Variants in UNC13C observed in about 807,000 individuals in gnomAD.
UNC13C encodes unc-13 homolog C, also known as protein unc-13 homolog C.
A neutral mutation model predicts 245.4 loss-of-function variants in UNC13C; 174 were observed. The ratio of observed to expected loss-of-function variants is 0.71; its 90% CI spans 0.63 to 0.80. UNC13C has a LOEUF of 0.80. UNC13C is among the 30% of genes least tolerant of loss of function. The pLI is 0.00. For missense variants in UNC13C, 2,829 were observed against 2,602.9 expected, an observed-to-expected ratio of 1.09 and a Z score of -1.89; for synonymous variants, 992 against 895.1, an observed-to-expected ratio of 1.11 and a Z score of -1.93.
chr15:54,073,957 C>T (rs924546826), intron 2 of UNC13C, among the ~76,000 whole-genome samples: 1 of 151,944 alleles, frequency 6.6e-6, no homozygotes, highest in Non-Finnish European at 1.5e-5. Context: ...TTTGCCCATG[C>T]CTATGTCCAG....
At chr15:54,476,449 G>A (rs112946602) in intron 19 of UNC13C, among the ~76,000 whole-genome samples, 21,208 of 148,328 alleles carry the variant, frequency 0.14, 1,514 homozygotes, top group Non-Finnish European at 0.17. Flanking sequence ...TAGGTCTAAC[G>A]TTTAAGTCTT....
chr15:54,203,777 C>T (rs2034609958), intron 4 of UNC13C, among the ~76,000 whole-genome samples: 2 of 106,412 alleles, frequency 1.9e-5, no homozygotes, highest in Non-Finnish European at 4.5e-5. Flanking sequence ...TATATATACA[C>T]ACACATATAG....
chr15:54,146,273 A>G (rs11071049), intron 4 of UNC13C, among the ~76,000 whole-genome samples: 55,869 of 152,072 alleles, frequency 0.37, 10,344 homozygotes, highest in Admixed American at 0.39. Context: ...TTGCTTTTCT[A>G]TTACAATGCT....
At chr15:53,839,838 A>G in the UNC13C span, among the ~76,000 whole-genome samples, 4 of 152,030 alleles carry the variant, frequency 2.6e-5, no homozygotes, top group Non-Finnish European at 5.9e-5. Context: ...TTAAATTTTG[A>G]TACGGATGTG....
intron 31 of UNC13C, 135 bp from the exon 32 acceptor site, chr15:54,623,660 T>C: frequency 2.7e-6 from 2 of 730,280 alleles, no homozygotes; most frequent in South Asian, 4.4e-5. Context: ...TGTATTTTAT[T>C]GTCTTGGAGT....
At chr15:54,148,904 T>C (rs943967401) in intron 4 of UNC13C, among the ~76,000 whole-genome samples, 2 of 152,174 alleles carry the variant, frequency 1.3e-5, no homozygotes, top group Admixed American at 6.5e-5. Context: ...AGTGCTTTAA[T>C]CATGGAGGAA....
the UNC13C span, among the ~76,000 whole-genome samples, chr15:53,869,558 T>C: frequency 1.3e-5 from 2 of 152,184 alleles, no homozygotes; most frequent in Admixed American, 6.5e-5. Context: ...TAATTAGTAA[T>C]AAGTAATAGT....
rs2039009638 is a variant in UNC13C, at chr15:54,352,608, C to T, written c.4713+14119C>T. Among the ~76,000 whole-genome samples, 3 of 151,870 alleles carry T rather than the reference C, an allele frequency of 2.0e-5. No individual in the cohort carries two copies. In the South Asian group the frequency reaches 6.2e-4, roughly 31 times the overall value. On this transcript the variant is annotated intron_variant, in intron 17 of 32. Coordinates refer to ENST00000260323, the MANE Select transcript of UNC13C (RefSeq NM_001080534.3). ...AACAAAAATACAGCAATTAATTATG[C>T]TAAATTCTAGAATATATATGTATTT...
At chr15:54,405,690 A>G (rs1238372093) in intron 18 of UNC13C, among the ~76,000 whole-genome samples, 1 of 152,140 alleles carries the variant, frequency 6.6e-6, no homozygotes, top group Non-Finnish European at 1.5e-5. Context: ...GATAAAATCT[A>G]TGTTGTCTGA....
chr15:53,886,300 G>T, the UNC13C span, among the ~76,000 whole-genome samples: 16 of 152,086 alleles, frequency 1.1e-4, no homozygotes, highest in Non-Finnish European at 1.6e-4. Flanking sequence ...TGGAACATTT[G>T]TAGTTCCAGA....
chr15:54,183,796 C>T (rs1278275351), intron 4 of UNC13C, among the ~76,000 whole-genome samples: 1 of 147,580 alleles, frequency 6.8e-6, no homozygotes, highest in African/African-American at 2.5e-5. Flanking sequence ...TCATTGCAGA[C>T]AGTATTAAGT....
chr15:53,924,559 T>A, the UNC13C span, among the ~76,000 whole-genome samples: 1 of 152,242 alleles, frequency 6.6e-6, no homozygotes, highest in Non-Finnish European at 1.5e-5. Context: ...TAGCCTGTAG[T>A]AAGGATAAAT....
At chr15:54,288,125 T>C (rs2037196047) in intron 10 of UNC13C, among the ~76,000 whole-genome samples, 1 of 152,156 alleles carries the variant, frequency 6.6e-6, no homozygotes, top group Admixed American at 6.6e-5. Context: ...AGACAGGAAA[T>C]GGAAAATACA....
intron 4 of UNC13C, among the ~76,000 whole-genome samples, chr15:54,227,529 A>T (rs1241981416): frequency 2.0e-5 from 3 of 152,280 alleles, no homozygotes; most frequent in Non-Finnish European, 4.4e-5. Context: ...TTTGGTGCCT[A>T]AATCTTCAGA....
In UNC13C at chr15:54,450,605, T is replaced by C. The variant is rs142044283; in HGVS notation, c.4933+35538T>C. On this transcript the variant is annotated intron_variant, in intron 19 of 32. Coordinates refer to ENST00000260323, the MANE Select transcript of UNC13C (RefSeq NM_001080534.3). ...ATATAATCTCCTGGCATGCCGTTTG[T>C]TAAGACGATTGGAAAAGCACAGTAT... Among the ~76,000 whole-genome samples, 770 of 152,348 alleles carry C rather than the reference T, an allele frequency of 5.1e-3. 6 individuals carry two copies. Among genetic ancestry groups the C allele is most frequent in the African/African-American group, 0.017 (720 of 41,596 alleles).
At chr15:54,093,662 T>G (rs1488476943) in intron 2 of UNC13C, among the ~76,000 whole-genome samples, 2 of 152,236 alleles carry the variant, frequency 1.3e-5, no homozygotes, top group Non-Finnish European at 2.9e-5. Flanking sequence ...CACATTTGGG[T>G]TCTTCTACAA....
chr15:54,456,590 TTTTATTTATTTATTTA>T (rs71105811), intron 19 of UNC13C, among the ~76,000 whole-genome samples: 70 of 142,792 alleles, frequency 4.9e-4, no homozygotes, highest in African/African-American at 1.2e-3. Context: ...CTCCTATGTA[TTTTATTTATTTATTTA>T]TTTATTTATT....
intron 2 of UNC13C, among the ~76,000 whole-genome samples, chr15:54,024,806 T>C (rs563922220): frequency 2.6e-5 from 4 of 152,080 alleles, no homozygotes; most frequent in Non-Finnish European, 5.9e-5. Flanking sequence ...ACCCAGCTAC[T>C]CTGGAGGCTG....
intron 2 of UNC13C, among the ~76,000 whole-genome samples, chr15:54,109,098 G>T (rs2141170841): frequency 6.6e-6 from 1 of 152,200 alleles, no homozygotes; most frequent in South Asian, 2.1e-4. Context: ...CTCCTGTAAT[G>T]ACAGACGTTT....
Sources: allele counts gnomAD v4.1 joint callset (sites outside exome capture counted in the v4.1 genomes callset), GRCh38; gene constraint gnomAD v4.1.1; transcripts MANE v1.5; gene names NCBI Gene and HGNC (gene_info 2026-07-23, HGNC 2026-07-21).